EPHB1: variants seen among roughly 807,000 people sequenced by gnomAD.
The protein encoded by EPHB1 is ephrin type-B receptor 1.
In EPHB1, 30 loss-of-function variants were observed where a neutral mutation model predicts 94.4. The observed-to-expected ratio is 0.32, with a 90% CI of 0.24 to 0.43. The LOEUF is 0.43. EPHB1 is among the 20% of genes least tolerant of loss of function. EPHB1 has a pLI of 1.00. For synonymous variants in EPHB1, 522 were observed against 489.1 expected, an observed-to-expected ratio of 1.07 and a Z score of -0.89; for missense variants, 1,055 against 1,308.3, an observed-to-expected ratio of 0.81 and a Z score of 2.99.
rs540396651 is a variant in EPHB1, at chr3:134,865,169, A to G, written c.59-60647A>G. 3.9e-5 allele frequency among the ~76,000 whole-genome samples: 6 copies of G among 152,270 alleles called. 1 individual carries two copies. The South Asian group carries it at 8.3e-4, about 21-fold the overall frequency. ...TATCTGAAACAAAATTCCCAAAACA[A>G]TGCTTACCCTTTCTACATGTAAATC... On this transcript the variant is annotated intron_variant, in intron 1 of 15. Transcript: ENST00000398015.
Position 134,882,753 on chromosome 3 carries a change from TCTTCCTTC to T in EPHB1, c.59-43055_59-43048del, listed in dbSNP as rs144731148. On this transcript the variant is annotated intron_variant, in intron 1 of 15. Transcript: ENST00000398015. ...TTCCTTCTTTCCTTCTTTCTTCCTT[TCTTCCTTC>T]CTTCCTTTCTTTCTTTCTTTCTTTC... Among the ~76,000 whole-genome samples the T allele has an allele frequency of 2.0e-3, 128 of 63,356 alleles. 2 individuals carry two copies. Among genetic ancestry groups the T allele is most frequent in the African/African-American group, 6.9e-3 (105 of 15,294 alleles). The allele number at this position is 63,356 out of a possible 152,430, so 41.6% of individuals were successfully genotyped here.
chr3:135,158,003 C>T lies in EPHB1; in HGVS notation c.1422+3727C>T, dbSNP rs545405505. Among the ~76,000 whole-genome samples the T allele has an allele frequency of 1.4e-4, 22 of 152,240 alleles. No individual in the cohort carries two copies. The South Asian group carries it at 2.3e-3, about 16-fold the overall frequency. On this transcript the variant is annotated intron_variant, in intron 6 of 15. Coordinates refer to ENST00000398015, the MANE Select transcript of EPHB1 (RefSeq NM_004441.5). ...AACTTTACACATTTTTATGATACTT[C>T]GGTGGTGGAAACTTCTGAGCTTGAT...
intron 3 of EPHB1, among the ~76,000 whole-genome samples, chr3:135,105,183 A>G (rs1306302250): frequency 1.3e-5 from 2 of 152,258 alleles, no homozygotes; most frequent in African/African-American, 4.8e-5. Context: ...TTAGCTTTCT[A>G]TAAGTAGAAA....
chr3:134,931,573 T>A (rs2038903412), intron 2 of EPHB1, among the ~76,000 whole-genome samples: 1 of 152,236 alleles, frequency 6.6e-6, no homozygotes, highest in Admixed American at 6.5e-5. Flanking sequence ...TGATACGCTC[T>A]GTTGACTACT....
chr3:134,935,179 A>G (rs1026327079), intron 2 of EPHB1, among the ~76,000 whole-genome samples: 6 of 152,314 alleles, frequency 3.9e-5, no homozygotes, highest in Non-Finnish European at 7.4e-5. Context: ...GAGGGTCAGC[A>G]TTGCCCTGAC....
intron 3 of EPHB1, among the ~76,000 whole-genome samples, chr3:135,047,908 C>A (rs1576343998): frequency 1.3e-5 from 2 of 152,260 alleles, no homozygotes; most frequent in Admixed American, 1.3e-4. Context: ...CCCCCTACAA[C>A]AAATAGTTAT....
At chr3:135,139,579 T>C (rs1029481984) in intron 5 of EPHB1, among the ~76,000 whole-genome samples, 1 of 152,234 alleles carries the variant, frequency 6.6e-6, no homozygotes, top group South Asian at 2.1e-4. Context: ...ATCTGTGCCT[T>C]TGTGGAGCTT....
At chr3:135,246,657 T>TA (rs1163446777) in intron 13 of EPHB1, among the ~76,000 whole-genome samples, 1 of 152,220 alleles carries the variant, frequency 6.6e-6, no homozygotes, top group Non-Finnish European at 1.5e-5. Flanking sequence ...GAAATGGGGT[T>TA]AAAATGGTTG....
chr3:135,010,322 T>TA (rs1935575041), intron 3 of EPHB1, among the ~76,000 whole-genome samples: 1 of 152,282 alleles, frequency 6.6e-6, no homozygotes, highest in African/African-American at 2.4e-5. Flanking sequence ...CTTATGTTAC[T>TA]ACTTTTACAT....
chr3:134,804,241 G>A (rs73227039), intron 1 of EPHB1, among the ~76,000 whole-genome samples: 13,980 of 152,016 alleles, frequency 0.092, 781 homozygotes, highest in Middle Eastern at 0.18. Context: ...GAGGTGAAAA[G>A]CATTTCTTAT....
chr3:135,034,171 C>A (rs1451797002), intron 3 of EPHB1, among the ~76,000 whole-genome samples: 1 of 152,106 alleles, frequency 6.6e-6, no homozygotes, highest in African/African-American at 2.4e-5. Context: ...TATATTTAGG[C>A]ATTTGGGGAC....
chr3:135,214,252 T>C (rs886880253), intron 12 of EPHB1, among the ~76,000 whole-genome samples: 1 of 152,228 alleles, frequency 6.6e-6, no homozygotes, highest in Non-Finnish European at 1.5e-5. Flanking sequence ...TCCTGGATCA[T>C]TGTCCCTTTG....
At chr3:135,030,254 C>G (rs956911110) in intron 3 of EPHB1, among the ~76,000 whole-genome samples, 55 of 152,330 alleles carry the variant, frequency 3.6e-4, no homozygotes, top group African/African-American at 1.2e-3. Context: ...CAGCTTTGTT[C>G]TGTTGCTGGT....
At chr3:135,171,225 T>C (rs1268552958) in intron 9 of EPHB1, among the ~76,000 whole-genome samples, 2 of 152,200 alleles carry the variant, frequency 1.3e-5, no homozygotes, top group African/African-American at 4.8e-5. Context: ...TTTAGTAAAT[T>C]CAAGAGGAAT....
intron 13 of EPHB1, among the ~76,000 whole-genome samples, chr3:135,246,255 CAGA>C (rs564798043): frequency 3.9e-4 from 59 of 152,230 alleles, no homozygotes; most frequent in African/African-American, 1.3e-3. Context: ...TTATGCAACC[CAGA>C]AGGAGCTCTA....
intron 3 of EPHB1, among the ~76,000 whole-genome samples, chr3:135,005,644 G>A (rs972517772): frequency 2.6e-5 from 4 of 152,228 alleles, no homozygotes; most frequent in African/African-American, 7.2e-5. Context: ...AGCCAGGTGC[G>A]GGATATAATC....
intron 6 of EPHB1, among the ~76,000 whole-genome samples, chr3:135,159,952 A>G (rs1941461949): frequency 6.6e-6 from 1 of 152,106 alleles, no homozygotes; most frequent in East Asian, 1.9e-4. Context: ...CATGTGGCTA[A>G]TTTATTTCAT....
intron 3 of EPHB1, among the ~76,000 whole-genome samples, chr3:134,965,938 C>T (rs1933726927): frequency 6.6e-6 from 1 of 152,200 alleles, no homozygotes; most frequent in African/African-American, 2.4e-5. Flanking sequence ...GATCTGCTTC[C>T]CCAGTGGCCA....
intron 15 of EPHB1, among the ~76,000 whole-genome samples, chr3:135,258,074 G>A (rs966301293): frequency 6.6e-6 from 1 of 152,046 alleles, no homozygotes; most frequent in Non-Finnish European, 1.5e-5. Flanking sequence ...GCTTCGGCTC[G>A]TGCACGCACC....
Sources: gnomAD v4.1 joint callset for allele counts (sites outside exome capture counted in the v4.1 genomes callset) on GRCh38, gnomAD v4.1.1 for gene constraint, MANE v1.5 for transcripts, NCBI Gene and HGNC (gene_info 2026-07-23, HGNC 2026-07-21) for gene names.